The following KIRREL3 variants were observed in gnomAD, a reference collection of about 807,000 sequenced individuals.
KIRREL3 encodes the protein kirre like nephrin family adhesion molecule 3.
Under a neutral mutation model 89.7 loss-of-function variants are expected in KIRREL3, and 36 were observed. The ratio of observed to expected loss-of-function variants is 0.40; its 90% CI spans 0.31 to 0.53. The LOEUF (loss-of-function observed/expected upper bound fraction) is 0.53, where lower values mean the gene tolerates loss of function less well. KIRREL3 is among the 20% of genes least tolerant of loss of function. The probability of loss-of-function intolerance (pLI) is 0.49; values close to 1 mark genes in which losing one functional copy is unlikely to be tolerated. For missense variants in KIRREL3, 864 were observed against 1,056.6 expected (o/e 0.82, Z 2.53); for synonymous variants, 445 against 441.4 (o/e 1.01, Z -0.10).
At chr11:126,923,200 T>A (rs1233147746) in intron 1 of KIRREL3, among the ~76,000 whole-genome samples, 3 of 6,664 alleles carry the variant, frequency 4.5e-4, no homozygotes, top group African/African-American at 1.7e-3. Flanking sequence ...TTCTTCTTCT[T>A]CTTCTTCTTC....
Position 126,703,143 on chromosome 11 carries a change from A to G in KIRREL3, c.56-140231T>C, listed in dbSNP as rs903960203. Among the ~76,000 whole-genome samples, 5 of 152,186 alleles carry G rather than the reference A, an allele frequency of 3.3e-5. 1 individual carries two copies. In the South Asian group the frequency reaches 1.0e-3, roughly 32 times the overall value. On this transcript the variant is annotated intron_variant, in intron 1 of 16. Transcript: ENST00000525144. The surrounding 1 kb of genome is among the most constrained non-coding windows in gnomAD (Gnocchi z 4.6). ...GGGTGGCTGGGCTGGGGCAGGAGAC[A>G]CTGTAAAGAGCCAGTAGGCCTGGAT...
intron 7 of KIRREL3, among the ~76,000 whole-genome samples, chr11:126,451,136 T>C (rs566845037): frequency 1.9e-3 from 287 of 149,920 alleles, no homozygotes; most frequent in African/African-American, 6.7e-3. Context: ...CATGTGCATG[T>C]GTGTGCATGT....
intron 1 of KIRREL3, among the ~76,000 whole-genome samples, chr11:126,851,546 G>A (rs531606213): frequency 6.2e-4 from 95 of 152,112 alleles, no homozygotes; most frequent in Non-Finnish European, 1.1e-3. Flanking sequence ...CGACTCTTAC[G>A]CCACACAGCG....
intron 11 of KIRREL3, among the ~76,000 whole-genome samples, chr11:126,439,197 G>T (rs1955469310): frequency 6.6e-6 from 1 of 152,106 alleles, no homozygotes; most frequent in Admixed American, 6.5e-5. Flanking sequence ...TGGGTGTGGT[G>T]GCAGGTGCCT....
chr11:126,963,153 A>G (rs986458044), intron 1 of KIRREL3, among the ~76,000 whole-genome samples: 2 of 152,194 alleles, frequency 1.3e-5, no homozygotes, highest in African/African-American at 4.8e-5. Flanking sequence ...CAAATAAAAA[A>G]TAACCTTTTA....
intron 1 of KIRREL3, among the ~76,000 whole-genome samples, chr11:126,819,210 C>T (rs990806955): frequency 3.3e-5 from 5 of 152,144 alleles, no homozygotes; most frequent in Admixed American, 6.5e-5. Flanking sequence ...GGCGACGGTC[C>T]GGTCAGCCAG....
chr11:126,991,750 C>T lies in KIRREL3; in HGVS notation c.55+8705G>A, dbSNP rs1950040277. ...TAGGAAACTCCCTAAAATCCTTTTC[C>T]AGTCCTAGACACTGGGGATTGCCAC... On this transcript the variant is annotated intron_variant, in intron 1 of 16. Coordinates refer to ENST00000525144, the MANE Select transcript of KIRREL3 (RefSeq NM_032531.4). The surrounding 1 kb of genome is among the most constrained non-coding windows in gnomAD (Gnocchi z 5.8). Among the ~76,000 whole-genome samples, 1 of 152,200 alleles carries T rather than the reference C, an allele frequency of 6.6e-6. No individual in the cohort carries two copies. Among genetic ancestry groups the T allele is most frequent in the African/African-American group, 2.4e-5 (1 of 41,454 alleles).
chr11:126,589,066 C>T lies in KIRREL3; in HGVS notation c.56-26154G>A, dbSNP rs529939762. Among the ~76,000 whole-genome samples the T allele has an allele frequency of 3.2e-3, 488 of 152,186 alleles. 2 individuals carry two copies. Among genetic ancestry groups the T allele is most frequent in the African/African-American group, 0.01 (429 of 41,450 alleles). On this transcript the variant is annotated intron_variant, in intron 1 of 16. Transcript: ENST00000525144. ...GCACCCGCACACTAGCTGCCTCTCC[C>T]GGTCCCTTCCAGCAACCTGAGGAAA...
At chr11:126,914,890 A>G (rs576201915) in intron 1 of KIRREL3, among the ~76,000 whole-genome samples, 1 of 152,362 alleles carries the variant, frequency 6.6e-6, no homozygotes, top group East Asian at 1.9e-4. Context: ...GCACAAGATT[A>G]GACAATTAAC....
At chr11:126,478,517 A>ATGTG (rs552135249) in intron 4 of KIRREL3, among the ~76,000 whole-genome samples, 672 of 151,510 alleles carry the variant, frequency 4.4e-3, no homozygotes, top group Non-Finnish European at 6.8e-3. Context: ...GTGTGTGTGT[A>ATGTG]TGTGTGTGTG....
At chr11:126,542,383 G>A (rs1364691481) in intron 2 of KIRREL3, among the ~76,000 whole-genome samples, 2 of 152,102 alleles carry the variant, frequency 1.3e-5, no homozygotes, top group Non-Finnish European at 2.9e-5. Context: ...AGAAGAGCAG[G>A]GTGTGTATAA....
rs528967985 is a variant in KIRREL3, at chr11:126,998,459, A to G, written c.55+1996T>C. Reference sequence around the variant, plus strand: ...CCAGCCTCTGGACCAGGTATCTACCATTTGGTAGGGTGGACAGTGATGGCC... The same window carrying G: ...CCAGCCTCTGGACCAGGTATCTACCGTTTGGTAGGGTGGACAGTGATGGCC... On this transcript the variant is annotated intron_variant, in intron 1 of 16. Coordinates refer to ENST00000525144, the MANE Select transcript of KIRREL3 (RefSeq NM_032531.4). Among the ~76,000 whole-genome samples the G allele has an allele frequency of 2.3e-4, 35 of 152,212 alleles. No individual in the cohort carries two copies. In the South Asian group the frequency reaches 6.6e-3, roughly 29 times the overall value.
chr11:126,899,749 T>C (rs1324437699), intron 1 of KIRREL3, among the ~76,000 whole-genome samples: 3 of 152,226 alleles, frequency 2.0e-5, no homozygotes, highest in Non-Finnish European at 4.4e-5. Flanking sequence ...GTTGGTTAGC[T>C]AGGGCTAGTG....
In KIRREL3 at chr11:126,607,967, G is replaced by C. The variant is rs926763945; in HGVS notation, c.56-45055C>G. Among the ~76,000 whole-genome samples the C allele has an allele frequency of 2.0e-5, 3 of 152,186 alleles. No homozygotes were observed. ...ACTGCTCAGCCCCATCGCAGCAAGG[G>C]CCCGAGGAACGAGCACGTCAGCTGT... is the stretch of plus-strand genomic sequence containing the variant. On this transcript the variant is annotated intron_variant, in intron 1 of 16. Transcript: ENST00000525144. This position sits in a 1 kb window ranked among gnomAD's most constrained non-coding sequence, Gnocchi z 6.6.
intron 4 of KIRREL3, among the ~76,000 whole-genome samples, chr11:126,483,118 C>T (rs1048988969): frequency 5.9e-5 from 9 of 152,190 alleles, no homozygotes; most frequent in African/African-American, 2.2e-4. Context: ...CAGAGGGATC[C>T]TGCCCTATAC....
intron 1 of KIRREL3, among the ~76,000 whole-genome samples, chr11:126,638,706 G>C (rs1282116202): frequency 1.3e-5 from 2 of 152,192 alleles, no homozygotes; most frequent in African/African-American, 4.8e-5. Flanking sequence ...TGTAGTCTTA[G>C]ATGAGCTTTA....
chr11:126,767,564 T>C (rs1293862397), intron 1 of KIRREL3, among the ~76,000 whole-genome samples: 1 of 152,210 alleles, frequency 6.6e-6, no homozygotes, highest in Non-Finnish European at 1.5e-5. Flanking sequence ...TATAACGACA[T>C]ACACTGTATA....
chr11:126,829,169 G>C, intron 1 of KIRREL3, among the ~76,000 whole-genome samples: 1 of 152,202 alleles, frequency 6.6e-6, no homozygotes, highest in Non-Finnish European at 1.5e-5. Context: ...GAGCAAGATG[G>C]AAACAGGAGG....
chr11:126,804,133 A>G (rs1487293331), intron 1 of KIRREL3, among the ~76,000 whole-genome samples: 2 of 152,234 alleles, frequency 1.3e-5, no homozygotes, highest in Admixed American at 1.3e-4. Flanking sequence ...CATGTGAGGT[A>G]CAGTTTATAT....
Sources: allele counts gnomAD v4.1 joint callset (sites outside exome capture counted in the v4.1 genomes callset), GRCh38; gene constraint gnomAD v4.1.1; non-coding constraint Gnocchi (gnomAD v3.1); transcripts MANE v1.5; gene names NCBI Gene and HGNC (gene_info 2026-07-23, HGNC 2026-07-21).